The following SLC17A6 variants were observed in gnomAD, a reference collection of about 807,000 sequenced individuals.
SLC17A6 encodes solute carrier family 17 member 6, also known as vesicular glutamate transporter 2.
Under a neutral mutation model 67.1 loss-of-function variants are expected in SLC17A6, and 35 were observed. The ratio of observed to expected loss-of-function variants is 0.52; its 90% confidence interval spans 0.40 to 0.69. The LOEUF (loss-of-function observed/expected upper bound fraction) is 0.69, where lower values mean the gene tolerates loss of function less well. SLC17A6 is among the 30% of genes least tolerant of loss of function. The pLI is 0.00. For missense variants in SLC17A6, 588 were observed against 723.9 expected (o/e 0.81, Z 2.15); for synonymous variants, 285 against 252.3 (o/e 1.13, Z -1.23).
chr11:22,374,906 C>G lies in SLC17A6; in HGVS notation c.1174+19C>G. 3 of 1,598,074 alleles carry G rather than the reference C, an allele frequency of 1.9e-6. No individual in the cohort carries two copies. Among genetic ancestry groups the G allele is most frequent in the Non-Finnish European group, 2.6e-6 (3 of 1,173,790 alleles). On this transcript the variant is annotated intron_variant, in intron 9 of 11. Coordinates refer to ENST00000263160, the MANE Select transcript of SLC17A6 (RefSeq NM_020346.3). The stretch of plus-strand genomic sequence containing the variant: ...TGTGGTGGTAAGTACATAAGTGGCA[C>G]TAAGGACATGTTTTTAGTTCAATCA...
chr11:22,355,132 G>T (rs2665693), intron 3 of SLC17A6, among the ~76,000 whole-genome samples: 10,551 of 152,046 alleles, frequency 0.069, 1,232 homozygotes, highest in African/African-American at 0.24. Context: ...TATTCCCATT[G>T]TTTAGATGAG....
chr11:22,365,915 C>T (rs1015548766), intron 7 of SLC17A6, among the ~76,000 whole-genome samples: 1 of 152,054 alleles, frequency 6.6e-6, no homozygotes, highest in African/African-American at 2.4e-5. Flanking sequence ...AAAATGTACA[C>T]TGGGTGATAA....
chr11:22,378,635 A>G lies in SLC17A6; in HGVS notation c.*895A>G, dbSNP rs1382625194. 6.6e-6 allele frequency: 1 copy of G among 152,558 alleles called. No individual in the cohort carries two copies. The highest frequency in any genetic ancestry group is 6.6e-5 in the Admixed American group (1 of 15,264). The allele number at this position is 152,558 out of a possible 1,614,324, so 9.5% of individuals were successfully genotyped here. ...GGAGATATAGCCCTTAAAATGCAATATTAAGAACAAAGAAATAGAAAATGG... is the reference window on the plus strand; with the variant it reads ...GGAGATATAGCCCTTAAAATGCAATGTTAAGAACAAAGAAATAGAAAATGG... On this transcript the variant is annotated 3_prime_UTR_variant, in exon 12 of 12. Coordinates refer to ENST00000263160, the MANE Select transcript of SLC17A6 (RefSeq NM_020346.3).
At chr11:22,360,290 C>T (rs1856036275) in intron 4 of SLC17A6, among the ~76,000 whole-genome samples, 1 of 151,884 alleles carries the variant, frequency 6.6e-6, no homozygotes, top group Non-Finnish European at 1.5e-5. Context: ...AACACATGGA[C>T]ACAGGGAGGG....
intron 3 of SLC17A6, among the ~76,000 whole-genome samples, chr11:22,349,313 C>G (rs947460578): frequency 6.6e-6 from 1 of 152,166 alleles, no homozygotes; most frequent in Admixed American, 6.6e-5. Flanking sequence ...TTTTCTATCT[C>G]GTGCATCTAG....
intron 8 of SLC17A6, among the ~76,000 whole-genome samples, chr11:22,370,788 C>T (rs1177331442): frequency 2.6e-5 from 4 of 152,068 alleles, no homozygotes; most frequent in Non-Finnish European, 4.4e-5. Context: ...GTGGTGTAAA[C>T]GTGAAAGTAA....
At chr11:22,345,589 G>A (rs1054904861) in intron 3 of SLC17A6, among the ~76,000 whole-genome samples, 3 of 152,032 alleles carry the variant, frequency 2.0e-5, no homozygotes, top group African/African-American at 4.8e-5. Flanking sequence ...TATATGATAT[G>A]TTATGTTCTA....
intron 4 of SLC17A6, 122 bp downstream of exon 4, chr11:22,359,649 T>TA (rs1590387158): frequency 6.4e-6 from 3 of 470,176 alleles, no homozygotes; most frequent in Admixed American, 4.3e-5. Context: ...AGAGTTAAAA[T>TA]AAAAAATGAA....
At chr11:22,357,158 A>C (rs1228161219) in intron 3 of SLC17A6, among the ~76,000 whole-genome samples, 2 of 152,184 alleles carry the variant, frequency 1.3e-5, no homozygotes, top group Non-Finnish European at 2.9e-5. Context: ...CACCTGAACT[A>C]GTGATTTTAC....
chr11:22,360,475 A>G (rs1340576132), intron 4 of SLC17A6, among the ~76,000 whole-genome samples: 3 of 151,834 alleles, frequency 2.0e-5, no homozygotes, highest in African/African-American at 7.3e-5. Flanking sequence ...GTACCCCAGA[A>G]CTTAAAAAAA....
At chr11:22,363,406 T>C (rs1856074496) in intron 6 of SLC17A6, among the ~76,000 whole-genome samples, 1 of 152,222 alleles carries the variant, frequency 6.6e-6, no homozygotes. Flanking sequence ...AGTCTTGATA[T>C]TCACTTTGTA....
In SLC17A6 at chr11:22,343,128, C is replaced by G; in HGVS notation, c.340-119C>G. 3.7e-6 allele frequency: 3 copies of G among 817,982 alleles called. No individual in the cohort carries two copies. The South Asian group carries it at 4.3e-5, about 12-fold the overall frequency. The allele number at this position is 817,982 out of a possible 1,614,324, so 50.7% of individuals were successfully genotyped here. ...GAAACGAAAATGAAGCCACTCTTAT[C>G]CCCAGAATGCATGAAGCGCCCAAGC... On this transcript the variant is annotated intron_variant, in intron 2 of 11. Transcript: ENST00000263160.
At chr11:22,363,566 T>C (rs2133871508) in intron 6 of SLC17A6, among the ~76,000 whole-genome samples, 1 of 152,316 alleles carries the variant, frequency 6.6e-6, no homozygotes, top group Non-Finnish European at 1.5e-5. Context: ...GAAATATTAA[T>C]GAAGTCATGT....
Position 22,341,847 on chromosome 11 carries a change from T to C in SLC17A6, c.339+67T>C. 8 of 1,560,180 alleles carry C rather than the reference T, an allele frequency of 5.1e-6. No individual in the cohort carries two copies. In the South Asian group the frequency reaches 7.3e-5, roughly 14 times the overall value. Reference sequence around the variant, plus strand: ...TGCGGCCTCGCAAAACCACATCTCCTGTTTGAGCCCCGTTCCCCCGCCACT... The same window carrying C: ...TGCGGCCTCGCAAAACCACATCTCCCGTTTGAGCCCCGTTCCCCCGCCACT... On this transcript the variant is annotated intron_variant, in intron 2 of 11. Coordinates refer to ENST00000263160, the MANE Select transcript of SLC17A6 (RefSeq NM_020346.3).
chr11:22,354,529 TG>T (rs1206125610), intron 3 of SLC17A6, among the ~76,000 whole-genome samples: 5 of 152,186 alleles, frequency 3.3e-5, no homozygotes, highest in Admixed American at 3.3e-4. Flanking sequence ...ATAAGAGAGA[TG>T]GGGTAGAATT....
chr11:22,359,549 C>G (rs756738195), intron 4 of SLC17A6, 22 bp downstream of exon 4: 3 of 1,475,856 alleles, frequency 2.0e-6, no homozygotes, highest in East Asian at 4.8e-5. Context: ...CAGGGTGAAG[C>G]CTTTTTAAGA....
chr11:22,340,538 C>T (rs1855803422), intron 1 of SLC17A6, among the ~76,000 whole-genome samples: 1 of 152,128 alleles, frequency 6.6e-6, no homozygotes, highest in South Asian at 2.1e-4. Flanking sequence ...AGATCTTCCC[C>T]TTTGATGTGG....
chr11:22,362,847 T>C (rs1462374808), intron 6 of SLC17A6, 22 bp downstream of exon 6: 3 of 1,589,290 alleles, frequency 1.9e-6, no homozygotes, highest in South Asian at 1.1e-5. Flanking sequence ...TTCTATGCAA[T>C]AGAGTTAAAG....
chr11:22,347,157 T>C (rs1375052656), intron 3 of SLC17A6, among the ~76,000 whole-genome samples: 2 of 152,012 alleles, frequency 1.3e-5, no homozygotes, highest in Non-Finnish European at 2.9e-5. Context: ...TTCATTGCTA[T>C]ATTACTAGTA....
Sources: allele counts gnomAD v4.1 joint callset (sites outside exome capture counted in the v4.1 genomes callset), GRCh38; gene constraint gnomAD v4.1.1; transcripts MANE v1.5; gene names NCBI Gene and HGNC (gene_info 2026-07-23, HGNC 2026-07-21).